The following CPEB2 variants were observed in gnomAD, a reference collection of about 807,000 sequenced individuals.
CPEB2 encodes cytoplasmic polyadenylation element-binding protein 2.
Under a neutral mutation model 93.6 loss-of-function variants are expected in CPEB2, and 56 were observed. The ratio of observed to expected loss-of-function variants is 0.60; its 90% CI spans 0.48 to 0.75. The LOEUF (loss-of-function observed/expected upper bound fraction) is 0.75. CPEB2 is among the 30% of genes least tolerant of loss of function. The pLI is 0.00. For missense variants in CPEB2, 1,579 were observed against 1,395.1 expected, an observed-to-expected ratio of 1.13 and a Z score of -2.10; for synonymous variants, 764 against 586.3, an observed-to-expected ratio of 1.30 and a Z score of -4.38.
intron 10 of CPEB2, 41 bp from the exon 11 acceptor site, chr4:15,062,038 T>G: frequency 6.6e-7 from 1 of 1,514,338 alleles, no homozygotes; most frequent in Non-Finnish European, 9.0e-7. Context: ...TTGATTACTG[T>G]GTTCTCTCAC....
At chr4:15,010,352 A>G (rs1036383768) in intron 3 of CPEB2, 1 of 152,034 alleles carries the variant, frequency 6.6e-6, no homozygotes, top group African/African-American at 2.4e-5. Context: ...CCTTGCCTCT[A>G]TTTTTAGAAT....
chr4:15,040,428 C>G (rs1659197653), intron 5 of CPEB2, 36 bp from the exon 6 acceptor site: 10 of 1,532,066 alleles, frequency 6.5e-6, no homozygotes, highest in Non-Finnish European at 7.0e-6. Flanking sequence ...ATTTTTAGTT[C>G]TGACATTTTA....
rs1392809559 is a variant in CPEB2, at chr4:15,007,453, A to G, written c.1811A>G (p.Lys604Arg). 3 of 1,614,182 alleles carry G rather than the reference A, an allele frequency of 1.9e-6. No individual in the cohort carries two copies. In the East Asian group the frequency reaches 6.7e-5, roughly 36 times the overall value. The change falls in exon 2 of 12, where the codon AAG (lysine) becomes AGG (arginine). Residue 604 changes from lysine to arginine, a missense_variant. By Grantham distance (26) the Lys-to-Arg change is conservative. Coordinates refer to ENST00000538197, the MANE Select transcript of CPEB2 (RefSeq NM_001177382.2). ...ACTATGAATCAGATATCTCCATTGA[A>G]GAAACCGTTTTCTGGTAATGTCATA... ...PGTMNQISPLKKPFSGNVIAP... is the reference protein window; with the variant it reads ...PGTMNQISPLRKPFSGNVIAP...
In CPEB2 at chr4:15,003,926, A is replaced by AGCCGCC. The variant is rs1722396197; in HGVS notation, c.1254_1259dup (p.Pro419_Pro420dup). 9.2e-7 allele frequency: 1 copy of AGCCGCC among 1,085,028 alleles called. No individual in the cohort carries two copies. Among genetic ancestry groups the AGCCGCC allele is most frequent in the Non-Finnish European group, 1.2e-6 (1 of 841,146 alleles). 67.2% of individuals were successfully genotyped at this position (1,085,028 alleles called of 1,614,324 possible). A position where few individuals can be genotyped will look rare whatever the true frequency, so the allele number is the denominator to read the frequency against. On this transcript the variant is annotated inframe_insertion, in exon 1 of 12. Coordinates refer to ENST00000538197, the MANE Select transcript of CPEB2 (RefSeq NM_001177382.2). ...CAGCAGCCGCCCCAGCCGCAGCCGCAGCCGCCCGGCTCGTCTGCCACCACC... is the reference window on the plus strand; with the variant it reads ...CAGCAGCCGCCCCAGCCGCAGCCGCAGCCGCCGCCGCCCGGCTCGTCTGCCACCACC...
At chr4:15,015,939 A>G (rs926699634) in intron 3 of CPEB2, among the ~76,000 whole-genome samples, 10 of 152,148 alleles carry the variant, frequency 6.6e-5, no homozygotes, top group Non-Finnish European at 1.5e-4. Flanking sequence ...GTCTCTCAGA[A>G]TATCTTATTG....
intron 10 of CPEB2, among the ~76,000 whole-genome samples, chr4:15,060,771 C>G (rs1729121049): frequency 1.3e-5 from 2 of 152,010 alleles, no homozygotes; most frequent in Non-Finnish European, 2.9e-5. Flanking sequence ...AAGAGAATCA[C>G]TCTTTATACT....
intron 6 of CPEB2, among the ~76,000 whole-genome samples, chr4:15,048,251 C>T (rs1727899971): frequency 6.6e-6 from 1 of 151,882 alleles, no homozygotes; most frequent in Non-Finnish European, 1.5e-5. Flanking sequence ...GAAGTGCTTC[C>T]TCTTTCTTTA....
Position 15,003,449 on chromosome 4 carries a change from C to T in CPEB2, c.776C>T (p.Pro259Leu). ...CCGCGGCAGCGTCCGGCAGACCTGCCCCCGCTCCCGCAGCTCCCTCCCTCG... is the reference window on the plus strand; with the variant it reads ...CCGCGGCAGCGTCCGGCAGACCTGCTCCCGCTCCCGCAGCTCCCTCCCTCG... ...FAPRQRPADLPPLPQLPPSPP... is the reference protein window; with the variant it reads ...FAPRQRPADLLPLPQLPPSPP... The change falls in exon 1 of 12, where the codon CCC (proline) becomes CTC (leucine). Residue 259 changes from proline (P) to leucine (L), a missense_variant. Physicochemically the swap from Pro to Leu is moderately conservative, Grantham distance 98. Coordinates refer to ENST00000538197, the MANE Select transcript of CPEB2 (RefSeq NM_001177382.2). The T allele has an allele frequency of 7.3e-7, 1 of 1,362,994 alleles. No individual in the cohort carries two copies. Among genetic ancestry groups the T allele is most frequent in the Non-Finnish European group, 9.4e-7 (1 of 1,067,614 alleles). 84.4% of individuals were successfully genotyped at this position (1,362,994 alleles called of 1,614,324 possible). A position where few individuals can be genotyped will look rare whatever the true frequency, so the allele number is the denominator to read the frequency against.
chr4:15,040,328 G>A, intron 5 of CPEB2, 136 bp from the exon 6 acceptor site: 1 of 681,996 alleles, frequency 1.5e-6, no homozygotes. Context: ...CTTATATGGT[G>A]ACATTGTCAT....
chr4:15,002,679 G>A lies in CPEB2; in HGVS notation c.6G>A (p.Arg2=), dbSNP rs1722104138. Residue 2 remains arginine (R), a synonymous_variant, in exon 1 of 12, where the codon AGG becomes AGA. Coordinates refer to ENST00000538197, the MANE Select transcript of CPEB2 (RefSeq NM_001177382.2). ...CGCTGCCGGCGGCCTGATAAATGAG[G>A]GATTTCGGGTTTGGGGTGCTGCAGA... The part of the protein sequence containing the change: M[R]DFGFGVLQTA... 6.7e-6 allele frequency: 10 copies of A among 1,499,582 alleles called. No individual in the cohort carries two copies. The highest frequency in any genetic ancestry group is 7.1e-6 in the Non-Finnish European group (8 of 1,124,976). The allele number at this position is 1,499,582 out of a possible 1,614,324, so 92.9% of individuals were successfully genotyped here.
intron 5 of CPEB2, among the ~76,000 whole-genome samples, chr4:15,038,214 C>T (rs772699125): frequency 1.3e-5 from 2 of 152,048 alleles, no homozygotes; most frequent in East Asian, 3.8e-4. Context: ...TATATTCAAG[C>T]CAAGGAATGA....
intron 3 of CPEB2, among the ~76,000 whole-genome samples, chr4:15,013,366 T>A (rs961720580): frequency 6.6e-6 from 1 of 152,036 alleles, no homozygotes; most frequent in Admixed American, 6.6e-5. Context: ...TAGAGTCTTA[T>A]ATTTCTGAAG....
chr4:15,050,063 G>A (rs1007072674), intron 6 of CPEB2, among the ~76,000 whole-genome samples: 9 of 152,176 alleles, frequency 5.9e-5, no homozygotes, highest in African/African-American at 2.2e-4. Flanking sequence ...TCCGTGGCCT[G>A]TTTGTTTAAT....
chr4:15,015,692 C>CG (rs1270542997), intron 3 of CPEB2, among the ~76,000 whole-genome samples: 2 of 151,802 alleles, frequency 1.3e-5, no homozygotes, highest in East Asian at 3.9e-4. Context: ...ACCTTTTCTT[C>CG]GGGAAAAAAA....
rs114206632 is a variant in CPEB2 at position 15,006,014 on chromosome 4, A to C, written c.1663-1291A>C. Among the ~76,000 whole-genome samples the C allele has an allele frequency of 6.6e-3, 1,009 of 152,288 alleles. 12 individuals are homozygous for C. Among genetic ancestry groups the C allele is most frequent in the African/African-American group, 0.023 (950 of 41,556 alleles). On this transcript the variant is annotated intron_variant, in intron 1 of 11. Transcript: ENST00000538197. ...ATTTAACTGTAATTTGCTTTTGGAC[A>C]AAAGATGGGTCTAGCCATGGAGTGT...
At chr4:15,040,598 T>G in intron 6 of CPEB2, 111 bp downstream of exon 6, 1 of 985,806 alleles carries the variant, frequency 1.0e-6, no homozygotes, top group South Asian at 1.6e-5. Context: ...CTCACACAAT[T>G]GTATTTTGAT....
At chr4:15,049,485 T>C (rs985486287) in intron 6 of CPEB2, among the ~76,000 whole-genome samples, 1 of 152,156 alleles carries the variant, frequency 6.6e-6, no homozygotes, top group Non-Finnish European at 1.5e-5. Context: ...ATGCTGTTTA[T>C]CTTATTCCTT....
At position 15,062,062 on chromosome 4, in the gene CPEB2, T is replaced by C; in HGVS notation, c.2696-17T>C. 1 of 1,581,194 alleles carries C rather than the reference T, an allele frequency of 6.3e-7. No individual in the cohort carries two copies. The highest frequency in any genetic ancestry group is 8.6e-7 in the Non-Finnish European group (1 of 1,161,204). On this transcript the variant is annotated splice_polypyrimidine_tract_variant and intron_variant, in intron 10 of 11. Transcript: ENST00000538197. The stretch of plus-strand genomic sequence containing the variant: ...GTGTTCTCTCACATTTGATGTAAAC[T>C]TCTTTTCCTTTTCAAGTGGAACTTG...
At chr4:15,047,257 C>T (rs764708629) in intron 6 of CPEB2, among the ~76,000 whole-genome samples, 3 of 151,994 alleles carry the variant, frequency 2.0e-5, no homozygotes, top group African/African-American at 4.8e-5. Context: ...CTTGATTGTT[C>T]GTAGGCCTTT....
Sources: allele counts gnomAD v4.1 joint callset (sites outside exome capture counted in the v4.1 genomes callset), GRCh38; gene constraint gnomAD v4.1.1; transcripts MANE v1.5; gene names NCBI Gene and HGNC (gene_info 2026-07-23, HGNC 2026-07-21).